RWDD4: variants seen among roughly 807,000 people sequenced by gnomAD.
RWDD4 encodes RWD domain containing 4, also known as RWD domain-containing protein 4.
Under a neutral mutation model 30.0 loss-of-function variants are expected in RWDD4, and 16 were observed. That is an observed-to-expected ratio of 0.53 (90% CI 0.36 to 0.81). RWDD4 has a LOEUF of 0.81. Ranked by LOEUF, RWDD4 falls within the 30% of genes least tolerant of loss-of-function variation. The pLI is 0.00. For missense variants in RWDD4, 170 were observed against 223.9 expected, an observed-to-expected ratio of 0.76 and a Z score of 1.54; for synonymous variants, 45 against 72.1, an observed-to-expected ratio of 0.62 and a Z score of 1.90.
At chr4:183,657,343 C>T (rs1307274296) in intron 1 of RWDD4, among the ~76,000 whole-genome samples, 1 of 152,198 alleles carries the variant, frequency 6.6e-6, no homozygotes, top group Non-Finnish European at 1.5e-5. Flanking sequence ...TAGTACTACT[C>T]CTTCTGTCCC....
intron 5 of RWDD4, among the ~76,000 whole-genome samples, chr4:183,648,313 T>C (rs1187254358): frequency 6.6e-6 from 1 of 151,616 alleles, no homozygotes; most frequent in Non-Finnish European, 1.5e-5. Flanking sequence ...AGAGAAACTT[T>C]TTAACCTGAC....
Position 183,658,917 on chromosome 4 carries a change from C to G in RWDD4, c.24+12G>C. ...CCCGCGCTGGGAGAGGGCCCTGAGC[C>G]GGGGGGCTCACCTCCTGGTCCTCGT... On this transcript the variant is annotated intron_variant, in intron 1 of 7. Transcript: ENST00000326397. 6.3e-6 allele frequency: 8 copies of G among 1,265,762 alleles called. No individual in the cohort carries two copies. Among genetic ancestry groups the G allele is most frequent in the Non-Finnish European group, 7.9e-6 (8 of 1,006,990 alleles). The allele number at this position is 1,265,762 out of a possible 1,614,324, so 78.4% of individuals were successfully genotyped here. A position where few individuals can be genotyped will look rare whatever the true frequency, so the allele number is the denominator to read the frequency against.
At position 183,655,987 on chromosome 4, in the gene RWDD4, T is replaced by A. The variant is rs1579133325; in HGVS notation, c.25-26A>T. 3.4e-6 allele frequency: 5 copies of A among 1,452,408 alleles called. No homozygotes were observed. In the East Asian group the frequency reaches 1.1e-4, roughly 33 times the overall value. 90.0% of individuals were successfully genotyped at this position (1,452,408 alleles called of 1,614,324 possible). A position where few individuals can be genotyped will look rare whatever the true frequency, so the allele number is the denominator to read the frequency against. The stretch of plus-strand genomic sequence containing the variant: ...CTGAAATAAAGAACTGAATGAGTTT[T>A]GTTTAGTGGTATAAATGAATTAGAA... On this transcript the variant is annotated intron_variant, in intron 1 of 7. Transcript: ENST00000326397.
rs779398719 is a variant in RWDD4 at position 183,646,495 on chromosome 4, ACAT to A, written c.521_523del (p.Asp174del). 22 of 1,612,282 alleles carry A rather than the reference ACAT, an allele frequency of 1.4e-5. No individual in the cohort carries two copies. The highest frequency in any genetic ancestry group is 1.9e-5 in the Non-Finnish European group (22 of 1,179,540). On this transcript the variant is annotated inframe_deletion, in exon 6 of 8. Transcript: ENST00000326397. ...AATATAAATGTTATATACCTTCACA[ACAT>A]CAACCCAGTTCCAGCCTCGAGGAAG...
At chr4:183,652,737 T>G (rs56216919) in intron 2 of RWDD4, among the ~76,000 whole-genome samples, 17 of 148,510 alleles carry the variant, frequency 1.1e-4, no homozygotes, top group Admixed American at 4.0e-4. Context: ...TTGAATCTGG[T>G]AGGCAGAGGT....
chr4:183,644,915 C>A (rs1733939276), intron 7 of RWDD4, among the ~76,000 whole-genome samples: 1 of 152,068 alleles, frequency 6.6e-6, no homozygotes. Context: ...GCCTGGGCAA[C>A]AAAGTGAGAC....
chr4:183,651,120 A>G lies in RWDD4; in HGVS notation c.227T>C (p.Val76Ala). Residue 76 changes from valine to alanine, a missense_variant, in exon 4 of 8, where the codon GTA becomes GCA. By Grantham distance (64) the Val-to-Ala change is moderately conservative. Transcript: ENST00000326397. ...TAGCTTGGCTAATATACTCTGCTTT[A>G]CAGCTGATGATCTACAATGCACAAC... is the stretch of plus-strand genomic sequence containing the variant. ...AFFNNTISSA[V>A]KQSILAKLQE... The G allele has an allele frequency of 1.2e-6, 2 of 1,614,162 alleles. No individual in the cohort carries two copies. The highest frequency in any genetic ancestry group is 1.7e-6 in the Non-Finnish European group (2 of 1,180,006).
At chr4:183,654,054 G>C (rs978618076) in intron 2 of RWDD4, among the ~76,000 whole-genome samples, 2 of 152,138 alleles carry the variant, frequency 1.3e-5, no homozygotes, top group Non-Finnish European at 2.9e-5. Context: ...AGGAGAGGCA[G>C]GGGAATAATG....
chr4:183,659,136 G>C lies in RWDD4; in HGVS notation c.-184C>G, dbSNP rs2111262707. 4.7e-6 allele frequency: 2 copies of C among 422,410 alleles called. No homozygotes were observed. Among genetic ancestry groups the C allele is most frequent in the East Asian group, 7.2e-5 (2 of 27,948 alleles). The allele number at this position is 422,410 out of a possible 1,614,324, so 26.2% of individuals were successfully genotyped here. Reference sequence around the variant, plus strand: ...CCTCGGCAGCGCCCAGCCGCCGGCAGTGGGCTGTGGGCTACGAGCCGGAGC... The same window carrying C: ...CCTCGGCAGCGCCCAGCCGCCGGCACTGGGCTGTGGGCTACGAGCCGGAGC... On this transcript the variant is annotated 5_prime_UTR_variant, in exon 1 of 8. Transcript: ENST00000326397.
rs192903967 is a variant in RWDD4 at position 183,656,669 on chromosome 4, T to C, written c.25-708A>G. On this transcript the variant is annotated intron_variant, in intron 1 of 7. Transcript: ENST00000326397. ...CGTTTAAGTTTTTCAAAAAGATGCA[T>C]GTCATGAATTCTACAAACTAAAGAT... is the stretch of plus-strand genomic sequence containing the variant. Among the ~76,000 whole-genome samples, 5 of 152,298 alleles carry C rather than the reference T, an allele frequency of 3.3e-5. No homozygotes were observed. In the East Asian group the frequency reaches 9.6e-4, roughly 29 times the overall value.
chr4:183,655,805 A>T, intron 2 of RWDD4, 76 bp downstream of exon 2: 1 of 831,324 alleles, frequency 1.2e-6, no homozygotes, highest in South Asian at 1.6e-5. Flanking sequence ...AGTTTAAAAA[A>T]CAAAATAAGC....
intron 5 of RWDD4, among the ~76,000 whole-genome samples, chr4:183,648,368 G>C (rs1432289262): frequency 1.3e-5 from 2 of 152,056 alleles, no homozygotes; most frequent in Non-Finnish European, 2.9e-5. Flanking sequence ...AAATGTGCAA[G>C]TACACAAATG....
chr4:183,649,206 G>A (rs1020302961), intron 5 of RWDD4, among the ~76,000 whole-genome samples: 1 of 152,192 alleles, frequency 6.6e-6, no homozygotes, highest in African/African-American at 2.4e-5. Flanking sequence ...CTGAGGTCAG[G>A]AGTTCGAGAC....
intron 7 of RWDD4, among the ~76,000 whole-genome samples, chr4:183,645,067 T>G (rs1733942089): frequency 6.6e-6 from 1 of 152,096 alleles, no homozygotes; most frequent in South Asian, 2.1e-4. Context: ...GCCACTGCAC[T>G]CCAGCTTGGG....
chr4:183,651,374 C>T (rs1427387596), intron 2 of RWDD4, 47 bp from the exon 3 acceptor site: 1 of 1,314,266 alleles, frequency 7.6e-7, no homozygotes. Flanking sequence ...GATAAAAAGA[C>T]AGAAAACTAA....
At chr4:183,657,740 T>C (rs1734233369) in intron 1 of RWDD4, among the ~76,000 whole-genome samples, 2 of 152,194 alleles carry the variant, frequency 1.3e-5, no homozygotes, top group African/African-American at 2.4e-5. Flanking sequence ...AGAATGGATA[T>C]ATGAAGACAA....
chr4:183,646,360 G>A lies in RWDD4; in HGVS notation c.532-7C>T, dbSNP rs1289372770. On this transcript the variant is annotated splice_region_variant and splice_polypyrimidine_tract_variant and intron_variant, in intron 6 of 7. Transcript: ENST00000326397. ...TTTCAAAAATACTTACATGCTGAAT[G>A]TAAAAAAGGAAACAGACATCCCAGT... 3.5e-6 allele frequency: 4 copies of A among 1,144,584 alleles called. No homozygotes were observed. Among genetic ancestry groups the A allele is most frequent in the Non-Finnish European group, 5.3e-6 (4 of 753,704 alleles). The allele number at this position is 1,144,584 out of a possible 1,614,324, so 70.9% of individuals were successfully genotyped here. A position where few individuals can be genotyped will look rare whatever the true frequency, so the allele number is the denominator to read the frequency against.
chr4:183,651,722 T>C (rs1186467540), intron 2 of RWDD4, among the ~76,000 whole-genome samples: 1 of 152,188 alleles, frequency 6.6e-6, no homozygotes, highest in African/African-American at 2.4e-5. Context: ...CATCTTTGTT[T>C]TAAGTTATCC....
rs1733918306 is a variant in RWDD4 at position 183,643,968 on chromosome 4, CA to C, written c.534+2382del. Reference sequence around the variant, plus strand: ...CACAAAAAAAACTTCTTTCATCTCCCAAGATTACTGGTAATTTGAATTTTAC... The same window carrying C: ...CACAAAAAAAACTTCTTTCATCTCCCAGATTACTGGTAATTTGAATTTTAC... On this transcript the variant is annotated intron_variant, in intron 7 of 7. Coordinates refer to ENST00000326397, the MANE Select transcript of RWDD4 (RefSeq NM_152682.4). Among the ~76,000 whole-genome samples, 2 of 152,124 alleles carry C rather than the reference CA, an allele frequency of 1.3e-5. 1 individual carries two copies. The highest frequency in any genetic ancestry group is 3.8e-4 in the East Asian group (2 of 5,198).
Sources: allele counts gnomAD v4.1 joint callset (sites outside exome capture counted in the v4.1 genomes callset), GRCh38; gene constraint gnomAD v4.1.1; transcripts MANE v1.5; gene names NCBI Gene and HGNC (gene_info 2026-07-23, HGNC 2026-07-21).